Variants in ROBO2 observed in about 807,000 individuals in gnomAD.
The protein encoded by ROBO2 is roundabout homolog 2.
A neutral mutation model predicts 160.8 loss-of-function variants in ROBO2; 53 were observed. The observed-to-expected ratio is 0.33, with a 90% CI of 0.26 to 0.41. The LOEUF is 0.41. Among genes scored for constraint, ROBO2 ranks in the 10% least tolerant of loss-of-function variants. The pLI is 1.00. For synonymous variants in ROBO2, 664 were observed against 611.7 expected (o/e 1.09, Z -1.26); for missense variants, 1,577 against 1,722.4 (o/e 0.92, Z 1.49).
At chr3:76,534,374 GAAT>G (rs2082383693) in intron 2 of ROBO2, among the ~76,000 whole-genome samples, 1 of 152,034 alleles carries the variant, frequency 6.6e-6, no homozygotes, top group African/African-American at 2.4e-5. Flanking sequence ...GCCAGGGAAG[GAAT>G]AATGTTTTAC....
At chr3:76,240,295 G>A (rs541281495) in intron 2 of ROBO2, among the ~76,000 whole-genome samples, 151 of 143,796 alleles carry the variant, frequency 1.1e-3, no homozygotes, top group African/African-American at 2.3e-3. Context: ...CCCACCCCCC[G>A]ACAGGCCCCA....
At chr3:76,522,864 A>G (rs985093035) in intron 2 of ROBO2, among the ~76,000 whole-genome samples, 4 of 151,854 alleles carry the variant, frequency 2.6e-5, no homozygotes, top group African/African-American at 9.7e-5. Context: ...GCTAGAGGTC[A>G]TATCCCCCTC....
At chr3:76,802,035 A>G (rs189489903) in intron 2 of ROBO2, among the ~76,000 whole-genome samples, 1 of 152,206 alleles carries the variant, frequency 6.6e-6, no homozygotes, top group Admixed American at 6.5e-5. Context: ...AGCAGGGTCC[A>G]TGGCACCCAA....
In ROBO2 at chr3:76,058,584, A is replaced by C. The variant is rs934258401; in HGVS notation, c.109+120982A>C. On this transcript the variant is annotated intron_variant, in intron 2 of 26. Coordinates refer to the ROBO2 transcript ENST00000487694. ...ATGAACTATCACACGTCGAAACAGCAGAAACTTTTTTTTTTTTTTTTTTTT... is the reference window on the plus strand; with the variant it reads ...ATGAACTATCACACGTCGAAACAGCCGAAACTTTTTTTTTTTTTTTTTTTT... Among the ~76,000 whole-genome samples the C allele has an allele frequency of 2.2e-5, 3 of 138,986 alleles. No homozygotes were observed. The Admixed American group carries it at 2.2e-4, about 10-fold the overall frequency. 91.2% of individuals were successfully genotyped at this position (138,986 alleles called of 152,430 possible). A position where few individuals can be genotyped will look rare whatever the true frequency, so the allele number is the denominator to read the frequency against.
intron 2 of ROBO2, among the ~76,000 whole-genome samples, chr3:77,200,266 T>TC (rs1560218126): frequency 1.5e-5 from 1 of 66,562 alleles, no homozygotes; most frequent in African/African-American, 4.2e-5. Context: ...ACTAACATAT[T>TC]TTATATATAT....
Position 77,482,241 on chromosome 3 carries a change from T to C in ROBO2, c.667+1022T>C, listed in dbSNP as rs147448504. Among the ~76,000 whole-genome samples, 762 of 152,302 alleles carry C rather than the reference T, an allele frequency of 5.0e-3. 3 individuals are homozygous for C. The highest frequency in any genetic ancestry group is 0.027 in the South Asian group (130 of 4,826). ...TTTCAGTAGCGGTAAAATAATCCTCTACTTCTGTGCATGATTTAAAATCCC... is the reference window on the plus strand; with the variant it reads ...TTTCAGTAGCGGTAAAATAATCCTCCACTTCTGTGCATGATTTAAAATCCC... On this transcript the variant is annotated intron_variant, in intron 4 of 25. Coordinates refer to ENST00000461745, the Ensembl canonical transcript of ROBO2.
chr3:76,134,430 T>A (rs2071350223), intron 2 of ROBO2, among the ~76,000 whole-genome samples: 1 of 152,094 alleles, frequency 6.6e-6, no homozygotes, highest in Admixed American at 6.6e-5. Context: ...CGTGATTATG[T>A]TATGTTCTAT....
At position 77,124,297 on chromosome 3, in the gene ROBO2, G is replaced by C. The variant is rs184463764; in HGVS notation, c.388+25957G>C. Among the ~76,000 whole-genome samples, 6 of 152,218 alleles carry C rather than the reference G, an allele frequency of 3.9e-5. No homozygotes were observed. In the East Asian group the frequency reaches 1.2e-3, roughly 29 times the overall value. On this transcript the variant is annotated intron_variant, in intron 2 of 25. Coordinates refer to ENST00000461745, the Ensembl canonical transcript of ROBO2. The stretch of plus-strand genomic sequence containing the variant: ...ACAAAATTTGAAAAATTGGAAGAGA[G>C]GAAAATGGAGCATATCAGAAGGAAA...
At chr3:76,294,281 G>T (rs1708957455) in intron 2 of ROBO2, among the ~76,000 whole-genome samples, 2 of 152,108 alleles carry the variant, frequency 1.3e-5, no homozygotes, top group Non-Finnish European at 2.9e-5. Context: ...CCCTGGAAGG[G>T]CAGGGCTCCC....
At chr3:77,224,228 T>G (rs531057605) in intron 2 of ROBO2, among the ~76,000 whole-genome samples, 7 of 152,154 alleles carry the variant, frequency 4.6e-5, no homozygotes, top group Admixed American at 3.9e-4. Flanking sequence ...AAGGAGTTTT[T>G]GAACCTTGAT....
chr3:76,019,610 C>T (rs1210673760), intron 2 of ROBO2, among the ~76,000 whole-genome samples: 1 of 151,688 alleles, frequency 6.6e-6, no homozygotes, highest in Non-Finnish European at 1.5e-5. Flanking sequence ...GCTTTATGGT[C>T]TCCTCACATG....
intron 2 of ROBO2, among the ~76,000 whole-genome samples, chr3:77,164,727 C>T (rs1476294123): frequency 4.6e-5 from 3 of 64,680 alleles, no homozygotes; most frequent in Admixed American, 1.8e-4. Flanking sequence ...GTCAGCCCTC[C>T]GCCCGGCCAG....
At chr3:77,251,181 G>A (rs756203677) in intron 2 of ROBO2, among the ~76,000 whole-genome samples, 9 of 152,212 alleles carry the variant, frequency 5.9e-5, no homozygotes, top group East Asian at 3.9e-4. Flanking sequence ...TGTCTGATAC[G>A]TCCTTGGAAA....
chr3:76,399,257 C>T lies in ROBO2; in HGVS notation c.109+461655C>T, dbSNP rs1249399066. On this transcript the variant is annotated intron_variant, in intron 2 of 26. Coordinates refer to the ROBO2 transcript ENST00000487694. ...AAGATAAGTAGAGAAACAGAACTAA[C>T]GTGACAACTGTCTGCTGTGTGCCAG... Among the ~76,000 whole-genome samples, 3 of 150,280 alleles carry T rather than the reference C, an allele frequency of 2.0e-5. No individual in the cohort carries two copies. In the South Asian group the frequency reaches 6.3e-4, roughly 31 times the overall value.
At chr3:77,594,948 A>G (rs540977127) in intron 17 of ROBO2, among the ~76,000 whole-genome samples, 194 bp from the exon 19 acceptor site, 1 of 152,274 alleles carries the variant, frequency 6.6e-6, no homozygotes, top group African/African-American at 2.4e-5. Flanking sequence ...GTCCTATTAA[A>G]ATTGGAGCAA....
intron 2 of ROBO2, among the ~76,000 whole-genome samples, chr3:76,273,148 C>A (rs1186867703): frequency 9.2e-6 from 1 of 108,834 alleles, no homozygotes; most frequent in Non-Finnish European, 1.7e-5. Context: ...TATATATATA[C>A]ACATTTCTAT....
At chr3:76,943,528 A>G (rs1405151757) in intron 2 of ROBO2, among the ~76,000 whole-genome samples, 1 of 152,214 alleles carries the variant, frequency 6.6e-6, no homozygotes, top group Non-Finnish European at 1.5e-5. Context: ...GGAAAGAACC[A>G]CTTAATACGA....
intron 2 of ROBO2, among the ~76,000 whole-genome samples, chr3:77,408,554 G>C (rs1420607202): frequency 9.9e-5 from 15 of 151,968 alleles, no homozygotes; most frequent in Admixed American, 9.8e-4. Flanking sequence ...AACTTACATG[G>C]GTAAAATCTC....
intron 2 of ROBO2, among the ~76,000 whole-genome samples, chr3:76,190,911 T>C (rs548411298): frequency 1.3e-5 from 2 of 152,238 alleles, no homozygotes; most frequent in Non-Finnish European, 2.9e-5. Context: ...ATGCCAGACT[T>C]GATGTTTTTT....
Sources: allele counts gnomAD v4.1 joint callset (sites outside exome capture counted in the v4.1 genomes callset), GRCh38; gene constraint gnomAD v4.1.1; transcripts MANE v1.5; gene names NCBI Gene and HGNC (gene_info 2026-07-23, HGNC 2026-07-21).